HAO2: variants seen among roughly 807,000 people sequenced by gnomAD.
The protein encoded by HAO2 is hydroxyacid oxidase 2, also known as 2-Hydroxyacid oxidase 2.
A neutral mutation model predicts 37.4 loss-of-function variants in HAO2; 42 were observed. That is an observed-to-expected ratio of 1.12 (90% CI 0.88 to 1.45). The LOEUF (loss-of-function observed/expected upper bound fraction) is 1.45. Among genes scored for constraint, HAO2 ranks in the 40% most tolerant of loss-of-function variants. The pLI is 0.00. For missense variants in HAO2, 476 were observed against 430.2 expected (o/e 1.11, Z -0.94); for synonymous variants, 180 against 162.8 (o/e 1.11, Z -0.81).
intron 1 of HAO2, 36 bp from the exon 2 acceptor site, chr1:119,381,042 A>G (rs1264117307): frequency 6.3e-7 from 1 of 1,599,126 alleles, no homozygotes; most frequent in Admixed American, 1.7e-5. Flanking sequence ...AAGTGTTCTC[A>G]CTGGGTTTGG....
chr1:119,387,066 G>A (rs900386890), intron 5 of HAO2, among the ~76,000 whole-genome samples: 1 of 152,180 alleles, frequency 6.6e-6, no homozygotes, highest in African/African-American at 2.4e-5. Context: ...TGCCAATGCT[G>A]CAAGATGGGT....
At chr1:119,388,628 G>C (rs1014649133) in intron 5 of HAO2, among the ~76,000 whole-genome samples, 19 of 152,282 alleles carry the variant, frequency 1.2e-4, no homozygotes, top group African/African-American at 4.1e-4. Context: ...ACCTGACCCT[G>C]TGCTTGTATA....
intron 5 of HAO2, among the ~76,000 whole-genome samples, 192 bp from the exon 6 acceptor site, chr1:119,391,918 A>G (rs768199886): frequency 3.3e-5 from 5 of 152,184 alleles, no homozygotes; most frequent in African/African-American, 4.8e-5. Flanking sequence ...GTCAAAGCAG[A>G]AAGTCAAGGC....
At position 119,385,029 on chromosome 1, in the gene HAO2, A is replaced by G. The variant is rs766588290; in HGVS notation, c.537A>G (p.Leu179=). 12 of 1,612,520 alleles carry G rather than the reference A, an allele frequency of 7.4e-6. No individual in the cohort carries two copies. The Admixed American group carries it at 2.0e-4, about 27-fold the overall frequency. The change falls in exon 4 of 8, where the codon CTA becomes CTG. Residue 179 remains leucine (L), a synonymous_variant. Transcript: ENST00000325945. ...ACCAGTTGAGGAGGAACTTAACACT[A>G]ACAGATCTTCAATCACCTAAAAAGG... ...IRNQLRRNLT[L]TDLQSPKKGN... is the part of the protein sequence containing the mutation.
intron 4 of HAO2, chr1:119,385,373 TA>T: frequency 3.1e-6 from 3 of 981,886 alleles, no homozygotes; most frequent in Non-Finnish European, 3.6e-6. Flanking sequence ...GAGAGTAAAC[TA>T]AAAAAGTTCA....
At chr1:119,385,076 T>C in intron 4 of HAO2, 23 bp downstream of exon 4, 1 of 1,598,898 alleles carries the variant, frequency 6.3e-7, no homozygotes, top group Non-Finnish European at 8.5e-7. Context: ...CCAAATTCGA[T>C]GGACAGGCAT....
intron 6 of HAO2, 130 bp from the exon 7 acceptor site, chr1:119,392,488 A>T: frequency 1.3e-6 from 1 of 768,348 alleles, no homozygotes; most frequent in Non-Finnish European, 2.3e-6. Context: ...TTCCCAAGGT[A>T]ATTCTCACTT....
At chr1:119,384,192 T>C (rs1418937378) in intron 3 of HAO2, among the ~76,000 whole-genome samples, 2 of 152,172 alleles carry the variant, frequency 1.3e-5, no homozygotes, top group East Asian at 1.9e-4. Flanking sequence ...AGTACACCAC[T>C]TTGCAATGTA....
intron 1 of HAO2, among the ~76,000 whole-genome samples, chr1:119,371,739 G>A (rs1003446530): frequency 6.6e-6 from 1 of 152,200 alleles, no homozygotes; most frequent in Admixed American, 6.5e-5. Context: ...AAACAGTCAT[G>A]CATGTAAAGC....
chr1:119,384,786 G>A lies in HAO2; in HGVS notation c.294G>A (p.Ala98=), dbSNP rs372674483. ...GEMSTARAAQ[A]AGICYITSTF... is the part of the protein sequence containing the mutation. Reference sequence around the variant, plus strand: ...TCCTTTGCTTTACAGCTGCCCAAGCGGCTGGTATCTGCTACATCACCAGCA... The same window carrying A: ...TCCTTTGCTTTACAGCTGCCCAAGCAGCTGGTATCTGCTACATCACCAGCA... The change falls in exon 4 of 8, where the codon GCG becomes GCA. Residue 98 remains alanine (A), a synonymous_variant. Transcript: ENST00000325945. The A allele has an allele frequency of 1.4e-5, 23 of 1,613,644 alleles. No individual in the cohort carries two copies. The highest frequency in any genetic ancestry group is 8.9e-5 in the East Asian group (4 of 44,816).
chr1:119,389,415 G>A (rs748270072), intron 5 of HAO2, among the ~76,000 whole-genome samples: 1 of 151,344 alleles, frequency 6.6e-6, no homozygotes. Flanking sequence ...CCCACCAGCA[G>A]TGTAGAAGTG....
At chr1:119,377,588 C>A (rs72989687) in intron 1 of HAO2, among the ~76,000 whole-genome samples, 4,340 of 152,186 alleles carry the variant, frequency 0.029, 195 homozygotes, top group African/African-American at 0.097. Flanking sequence ...TGTATTAGTC[C>A]ATTTTCATAC....
chr1:119,391,384 G>C (rs1175740332), intron 5 of HAO2, among the ~76,000 whole-genome samples: 1 of 152,160 alleles, frequency 6.6e-6, no homozygotes, highest in Non-Finnish European at 1.5e-5. Context: ...GCATAGATCG[G>C]CCTGGGGCAC....
chr1:119,391,074 A>G (rs1403700076), intron 5 of HAO2, among the ~76,000 whole-genome samples: 17 of 152,168 alleles, frequency 1.1e-4, no homozygotes, highest in Non-Finnish European at 8.8e-5. Context: ...TGTAAGTTCA[A>G]AACATATTCA....
intron 3 of HAO2, among the ~76,000 whole-genome samples, chr1:119,383,786 G>A (rs1650159391): frequency 6.6e-6 from 1 of 152,050 alleles, no homozygotes; most frequent in Admixed American, 6.6e-5. Flanking sequence ...GCTTCCCTGA[G>A]GTCTTTTCCT....
In HAO2 at chr1:119,394,070, C is replaced by T. The variant is rs148510223; in HGVS notation, c.*230C>T. On this transcript the variant is annotated 3_prime_UTR_variant, in exon 8 of 8. Coordinates refer to ENST00000325945, the MANE Select transcript of HAO2 (RefSeq NM_016527.4). ...ATCACTGACTATTATATGTTGCTCT[C>T]TTGCCTAAATCTTCCTCTGAAGTAA... is the stretch of plus-strand genomic sequence containing the variant. The T allele has an allele frequency of 7.2e-4, 955 of 1,325,618 alleles. 20 individuals carry two copies. In the Admixed American group the frequency reaches 0.026, roughly 36 times the overall value. The allele number at this position is 1,325,618 out of a possible 1,614,324, so 82.1% of individuals were successfully genotyped here. A position where few individuals can be genotyped will look rare whatever the true frequency, so the allele number is the denominator to read the frequency against.
In HAO2 at chr1:119,386,665, C is replaced by G; in HGVS notation, c.605C>G (p.Ser202Cys). ...PYFQMTPIST[S>C]LCWNDLSWFQ... Reference sequence around the variant, plus strand: ...TTCCAGATGACTCCTATCAGCACTTCTCTCTGCTGGAATGATCTCTCCTGG... The same window carrying G: ...TTCCAGATGACTCCTATCAGCACTTGTCTCTGCTGGAATGATCTCTCCTGG... The change falls in exon 5 of 8, where the codon TCT becomes TGT. Residue 202 changes from serine to cysteine, a missense_variant. Coordinates refer to ENST00000325945, the MANE Select transcript of HAO2 (RefSeq NM_016527.4). 2 of 1,612,910 alleles carry G rather than the reference C, an allele frequency of 1.2e-6. No homozygotes were observed. Among genetic ancestry groups the G allele is most frequent in the South Asian group, 2.2e-5 (2 of 91,058 alleles).
intron 4 of HAO2, chr1:119,385,637 C>A (rs943375334): frequency 2.0e-6 from 2 of 984,904 alleles, no homozygotes; most frequent in Non-Finnish European, 2.4e-6. Flanking sequence ...ACAAAGGGGA[C>A]CTTCCCCATT....
chr1:119,380,966 G>C, intron 1 of HAO2, 112 bp from the exon 2 acceptor site: 2 of 901,760 alleles, frequency 2.2e-6, no homozygotes, highest in South Asian at 3.0e-5. Flanking sequence ...AGAATACAGG[G>C]AGACCAATGT....
Sources: gnomAD v4.1 joint callset for allele counts (sites outside exome capture counted in the v4.1 genomes callset) on GRCh38, gnomAD v4.1.1 for gene constraint, MANE v1.5 for transcripts, NCBI Gene and HGNC (gene_info 2026-07-23, HGNC 2026-07-21) for gene names.